CMIP: variants seen among roughly 807,000 people sequenced by gnomAD.
CMIP encodes the protein C-Maf-inducing protein.
Under a neutral mutation model 97.3 loss-of-function variants are expected in CMIP, and 13 were observed. That is an observed-to-expected ratio of 0.13 (90% confidence interval 0.09 to 0.21). CMIP has a LOEUF of 0.21. CMIP is among the 10% of genes least tolerant of loss of function. The pLI is 1.00. For synonymous variants in CMIP, 538 were observed against 436.3 expected (o/e 1.23, Z -2.91); for missense variants, 847 against 1,024.9 (o/e 0.83, Z 2.37).
At chr16:81,549,235 C>A (rs1227666223) in intron 1 of CMIP, among the ~76,000 whole-genome samples, 1 of 152,196 alleles carries the variant, frequency 6.6e-6, no homozygotes, top group Non-Finnish European at 1.5e-5. Flanking sequence ...GGGTGACCAG[C>A]CTGAGGGTTG....
intron 1 of CMIP, among the ~76,000 whole-genome samples, chr16:81,540,979 C>CT (rs35461140): frequency 0.028 from 4,035 of 141,968 alleles, 63 homozygotes; most frequent in Middle Eastern, 0.082. Context: ...TGCACCCGGC[C>CT]TTTTTTTTTT....
intron 13 of CMIP, among the ~76,000 whole-genome samples, chr16:81,695,147 A>G (rs1906564933): frequency 6.6e-6 from 1 of 152,204 alleles, no homozygotes; most frequent in South Asian, 2.1e-4. Flanking sequence ...CCGGTCTGGA[A>G]GGAGCCAGCT....
chr16:81,670,826 TTTTG>T (rs957425268), intron 8 of CMIP, among the ~76,000 whole-genome samples: 9 of 152,022 alleles, frequency 5.9e-5, no homozygotes, highest in Admixed American at 2.0e-4. Context: ...TTCTCATCTC[TTTTG>T]TTTGTTTGTT....
At chr16:81,590,051 G>A (rs1009238440) in intron 1 of CMIP, among the ~76,000 whole-genome samples, 8 of 152,100 alleles carry the variant, frequency 5.3e-5, no homozygotes, top group Admixed American at 5.2e-4. Context: ...CTGCCCTCAG[G>A]GCACAGAGCT....
intron 1 of CMIP, among the ~76,000 whole-genome samples, chr16:81,455,624 A>G (rs1341737603): frequency 6.6e-6 from 1 of 151,790 alleles, no homozygotes. Context: ...CACATGGCCC[A>G]GCTGTGGTGC....
In CMIP at chr16:81,672,026, G is replaced by T. The variant is rs1339066013; in HGVS notation, c.990G>T (p.Val330=). 6.2e-7 allele frequency: 1 copy of T among 1,606,704 alleles called. No homozygotes were observed. Among genetic ancestry groups the T allele is most frequent in the Non-Finnish European group, 8.5e-7 (1 of 1,176,352 alleles). The change falls in exon 9 of 21, where the codon GTG becomes GTT. Residue 330 remains valine (V), a synonymous_variant. Transcript: ENST00000537098. ...HPRVLPNLVA[V]CLAAIYSCYE... ...GGGTCCTGCCCAACCTGGTGGCCGT[G>T]TGCCTGGCTGCCATCTACTCCTGCT... is the stretch of plus-strand genomic sequence containing the variant.
At chr16:81,646,480 T>C (rs1212694992) in intron 3 of CMIP, among the ~76,000 whole-genome samples, 1 of 152,222 alleles carries the variant, frequency 6.6e-6, no homozygotes, top group Non-Finnish European at 1.5e-5. Flanking sequence ...AAAAATAGCA[T>C]TATTGAAATG....
intron 1 of CMIP, among the ~76,000 whole-genome samples, chr16:81,490,626 A>G (rs1206061645): frequency 6.6e-6 from 1 of 152,166 alleles, no homozygotes; most frequent in East Asian, 1.9e-4. Flanking sequence ...TCAAAAACGA[A>G]AAACCAAATG....
Position 81,678,516 on chromosome 16 carries a change from C to T in CMIP, c.1276C>T (p.Pro426Ser). 6.2e-7 allele frequency: 1 copy of T among 1,603,886 alleles called. No homozygotes were observed. Among genetic ancestry groups the T allele is most frequent in the Middle Eastern group, 1.7e-4 (1 of 6,052 alleles). ...GGCCAGCGCAGGCAACGACAGCGAGCCCAACCTCATCGACTGCCTCATGGT... is the reference window on the plus strand; with the variant it reads ...GGCCAGCGCAGGCAACGACAGCGAGTCCAACCTCATCGACTGCCTCATGGT... ...LTASAGNDSE[P>S]NLIDCLMVSP... The change falls in exon 10 of 21, where the codon CCC becomes TCC. Residue 426 changes from proline to serine, a missense_variant. Around this residue, in one of 4 missense-constraint regions of CMIP, gnomAD observed 202 missense variants for 168.7 expected, o/e 1.20. Transcript: ENST00000537098.
intron 3 of CMIP, among the ~76,000 whole-genome samples, chr16:81,648,670 C>G (rs1199988726): frequency 6.6e-6 from 1 of 151,804 alleles, no homozygotes; most frequent in Non-Finnish European, 1.5e-5. Context: ...GTAATCCCAG[C>G]TTCTTGGGAG....
intron 10 of CMIP, among the ~76,000 whole-genome samples, chr16:81,682,362 C>T (rs1307677260): frequency 6.6e-6 from 1 of 152,088 alleles, no homozygotes; most frequent in Non-Finnish European, 1.5e-5. Flanking sequence ...GTCGGGAGTT[C>T]GAGACCAGCC....
intron 1 of CMIP, among the ~76,000 whole-genome samples, chr16:81,501,929 T>G (rs1029009862): frequency 5.3e-5 from 8 of 152,208 alleles, no homozygotes; most frequent in African/African-American, 1.9e-4. Context: ...GTGACTTAAG[T>G]CCTTGTGCCT....
In CMIP at chr16:81,706,986, C is replaced by T. The variant is rs776849818; in HGVS notation, c.2198-28C>T. On this transcript the variant is annotated intron_variant, in intron 19 of 20. Coordinates refer to ENST00000537098, the MANE Select transcript of CMIP (RefSeq NM_198390.3). ...TTCATACCTTTGGGGCCTCGCTCTC[C>T]TAACAACTGTATCTGTCTCTTGTGC... 3 of 1,608,822 alleles carry T rather than the reference C, an allele frequency of 1.9e-6. No homozygotes were observed. The African/African-American group carries it at 4.0e-5, about 22-fold the overall frequency.
At chr16:81,626,224 A>AATGTGTGTGTGAGG (rs2092059616) in intron 3 of CMIP, among the ~76,000 whole-genome samples, 1 of 151,144 alleles carries the variant, frequency 6.6e-6, no homozygotes, top group Non-Finnish European at 1.5e-5. Flanking sequence ...TGCGCGTGAG[A>AATGTGTGTGTGAGG]ATGTGTGTAA....
intron 7 of CMIP, among the ~76,000 whole-genome samples, chr16:81,668,012 ACT>A (rs2092629155): frequency 6.7e-6 from 1 of 149,810 alleles, no homozygotes; most frequent in Non-Finnish European, 1.5e-5. Context: ...GGCTCTAGAA[ACT>A]CTCTCCTGGG....
At chr16:81,664,719 A>G in intron 7 of CMIP, 2 of 439,088 alleles carry the variant, frequency 4.6e-6, no homozygotes. Flanking sequence ...CCTTCCAGAG[A>G]GCACTGTATG....
At chr16:81,608,661 G>T (rs772314758) in intron 2 of CMIP, among the ~76,000 whole-genome samples, 5 of 151,930 alleles carry the variant, frequency 3.3e-5, no homozygotes, top group Middle Eastern at 3.4e-3. Flanking sequence ...GAGGCGGTGA[G>T]GTGCGTCCAC....
intron 1 of CMIP, among the ~76,000 whole-genome samples, chr16:81,467,884 T>C (rs904750095): frequency 2.4e-5 from 3 of 126,604 alleles, no homozygotes; most frequent in African/African-American, 6.1e-5. Flanking sequence ...CCTGGCCTTC[T>C]TTTTTTTTTT....
intron 1 of CMIP, among the ~76,000 whole-genome samples, chr16:81,493,554 G>C (rs1311466142): frequency 1.3e-5 from 2 of 152,236 alleles, no homozygotes; most frequent in African/African-American, 2.4e-5. Flanking sequence ...AGGGCATCAG[G>C]ACAGCAGCCA....
Sources: allele counts gnomAD v4.1 joint callset (sites outside exome capture counted in the v4.1 genomes callset), GRCh38; gene constraint gnomAD v4.1.1; regional missense constraint gnomAD v4.1.1; transcripts MANE v1.5; gene names NCBI Gene and HGNC (gene_info 2026-07-23, HGNC 2026-07-21).